The following DNAH6 variants were observed in gnomAD, a reference collection of about 807,000 sequenced individuals.
The protein encoded by DNAH6 is axonemal beta dynein heavy chain 6.
A neutral mutation model predicts 491.4 loss-of-function variants in DNAH6; 340 were observed. The ratio of observed to expected loss-of-function variants is 0.69; its 90% CI spans 0.63 to 0.76. The LOEUF is 0.76. Among genes scored for constraint, DNAH6 ranks in the 30% least tolerant of loss-of-function variants. The pLI, the probability that DNAH6 is intolerant of heterozygous loss-of-function variation, is 0.00. For synonymous variants in DNAH6, 1,603 were observed against 1,686.1 expected (o/e 0.95, Z 1.21); for missense variants, 4,443 against 4,972.2 (o/e 0.89, Z 3.20).
In DNAH6 at chr2:84,525,717, A is replaced by G. The variant is rs1327713979; in HGVS notation, c.378A>G (p.Gln126=). ...ATSSTQFLEH[Q]DAVKKMQIHR... is the part of the protein sequence containing the mutation. The stretch of plus-strand genomic sequence containing the variant: ...CATCTACTCAGTTTCTTGAGCATCA[A>G]GATGCTGTGAAAAAAATGCAGGTAT... The change falls in exon 3 of 77, where the codon CAA becomes CAG. Residue 126 remains glutamine (Q), a synonymous_variant. Transcript: ENST00000389394. 8 of 1,537,496 alleles carry G rather than the reference A, an allele frequency of 5.2e-6. No homozygotes were observed. Among genetic ancestry groups the G allele is most frequent in the Admixed American group, 2.2e-5 (1 of 46,136 alleles).
intron 57 of DNAH6, 147 bp downstream of exon 57, chr2:84,713,406 C>T (rs1181955838): frequency 1.3e-6 from 1 of 769,350 alleles, no homozygotes; most frequent in African/African-American, 1.8e-5. Context: ...CCACCATCTT[C>T]CATTCTTGCT....
chr2:84,486,833 C>T, the DNAH6 span, among the ~76,000 whole-genome samples: 1 of 152,180 alleles, frequency 6.6e-6, no homozygotes, highest in African/African-American at 2.4e-5. Flanking sequence ...AAACCATATA[C>T]AGTGTTCCCT....
At chr2:84,673,211 G>A (rs1014285601) in intron 40 of DNAH6, among the ~76,000 whole-genome samples, 7 of 152,154 alleles carry the variant, frequency 4.6e-5, no homozygotes, top group Non-Finnish European at 7.4e-5. Flanking sequence ...ACGGTGGTGT[G>A]AATTATGAGC....
At chr2:84,650,220 C>T (rs1690311382) in intron 33 of DNAH6, among the ~76,000 whole-genome samples, 1 of 152,098 alleles carries the variant, frequency 6.6e-6, no homozygotes. Context: ...GTCATTATTT[C>T]TCTGAATACT....
At chr2:84,699,215 C>A (rs1365258062) in intron 47 of DNAH6, among the ~76,000 whole-genome samples, 2 of 152,080 alleles carry the variant, frequency 1.3e-5, no homozygotes, top group African/African-American at 4.8e-5. Context: ...AACTCCCATA[C>A]CATGCAACTT....
rs754184783 is a variant in DNAH6, at chr2:84,727,630, A to G, written c.9973-39A>G. The G allele has an allele frequency of 5.7e-5, 74 of 1,304,424 alleles. No individual in the cohort carries two copies. The Admixed American group carries it at 8.4e-4, about 15-fold the overall frequency. 80.8% of individuals were successfully genotyped at this position (1,304,424 alleles called of 1,614,324 possible). ...ATTTTTTGTTCTCTGCAGAGAATGA[A>G]TTAAATCAGAGACATTGATAGAGCT... On this transcript the variant is annotated intron_variant, in intron 60 of 76. Coordinates refer to ENST00000389394, the MANE Select transcript of DNAH6 (RefSeq NM_001370.2).
At chr2:84,724,166 G>A (rs904071141) in intron 60 of DNAH6, among the ~76,000 whole-genome samples, 1 of 152,164 alleles carries the variant, frequency 6.6e-6, no homozygotes, top group East Asian at 1.9e-4. Flanking sequence ...CTCAGCCAAC[G>A]AAGGCCTCTC....
intron 22 of DNAH6, 92 bp from the exon 23 acceptor site, chr2:84,616,794 C>A: frequency 1.8e-6 from 1 of 562,112 alleles, no homozygotes; most frequent in Non-Finnish European, 2.9e-6. Flanking sequence ...GGAGAAGATT[C>A]ATAAATTGAT....
chr2:84,776,606 C>A (rs1676147830), intron 64 of DNAH6, among the ~76,000 whole-genome samples: 1 of 152,218 alleles, frequency 6.6e-6, no homozygotes, highest in Admixed American at 6.5e-5. Context: ...AATCTCCACA[C>A]TGTCTTCCAC....
In DNAH6 at chr2:84,607,021, T is replaced by C; in HGVS notation, c.3220T>C (p.Ser1074Pro). The change falls in exon 21 of 77, where the codon TCA (serine) becomes CCA (proline). Residue 1074 changes from serine to proline, a missense_variant. Ser to Pro is a moderately conservative substitution (Grantham distance 74, BLOSUM62 -1). Coordinates refer to ENST00000389394, the MANE Select transcript of DNAH6 (RefSeq NM_001370.2). ...STINVATLAS[S>P]RYLGPLKTRV... ...CATCAATGTTGCAACTCTTGCCTCA[T>C]CACGTTACCTTGGTCCACTGAAAAC... 5 of 1,551,510 alleles carry C rather than the reference T, an allele frequency of 3.2e-6. No homozygotes were observed. The highest frequency in any genetic ancestry group is 1.4e-5 in the African/African-American group (1 of 73,158).
chr2:84,628,424 G>C (rs1688083778), intron 29 of DNAH6, among the ~76,000 whole-genome samples: 1 of 152,094 alleles, frequency 6.6e-6, no homozygotes, highest in African/African-American at 2.4e-5. Flanking sequence ...AGAGATTTGG[G>C]CAGGAGGAGG....
rs148223511 is a variant in DNAH6 at position 84,695,076 on chromosome 2, A to G, written c.7524+596A>G. Among the ~76,000 whole-genome samples the G allele has an allele frequency of 3.6e-3, 555 of 152,344 alleles. 3 individuals carry two copies. The highest frequency in any genetic ancestry group is 6.6e-3 in the Non-Finnish European group (451 of 68,008). ...TTAAATATTGTAAGCAGAATTAAAT[A>G]CAAAGAAAAAATTGGAAAAATATTT... is the stretch of plus-strand genomic sequence containing the variant. On this transcript the variant is annotated intron_variant, in intron 46 of 76. Transcript: ENST00000389394.
intron 37 of DNAH6, among the ~76,000 whole-genome samples, chr2:84,663,614 C>T (rs563002049): frequency 6.6e-6 from 1 of 152,248 alleles, no homozygotes; most frequent in East Asian, 1.9e-4. Flanking sequence ...ACCAAATCTA[C>T]GTCTGATTGG....
intron 58 of DNAH6, among the ~76,000 whole-genome samples, chr2:84,716,573 GCTTAC>G (rs1389580516): frequency 6.6e-6 from 1 of 152,090 alleles, no homozygotes; most frequent in Non-Finnish European, 1.5e-5. Flanking sequence ...CTGCTAACTT[GCTTAC>G]CTTCCACTAG....
At chr2:84,488,815 T>C in the DNAH6 span, among the ~76,000 whole-genome samples, 2 of 152,220 alleles carry the variant, frequency 1.3e-5, no homozygotes, top group Admixed American at 6.5e-5. Flanking sequence ...GGAGCTATTA[T>C]TCTGTCTACC....
chr2:84,725,171 A>G (rs1319398435), intron 60 of DNAH6, among the ~76,000 whole-genome samples: 1 of 152,224 alleles, frequency 6.6e-6, no homozygotes, highest in Non-Finnish European at 1.5e-5. Flanking sequence ...TGATCTCTGC[A>G]TATAACATTC....
chr2:84,785,890 G>A lies in DNAH6; in HGVS notation c.11100+134G>A, dbSNP rs567321592. ...CCCATTCTGTGTCTGAACCCAAGTT[G>A]TTTTCATTCAATCTCTATACTCCCC... On this transcript the variant is annotated intron_variant, in intron 67 of 76. Coordinates refer to ENST00000389394, the MANE Select transcript of DNAH6 (RefSeq NM_001370.2). The A allele has an allele frequency of 1.1e-4, 104 of 919,440 alleles. No individual in the cohort carries two copies. The South Asian group carries it at 2.0e-3, about 18-fold the overall frequency. The allele number at this position is 919,440 out of a possible 1,614,324, so 57.0% of individuals were successfully genotyped here. A position where few individuals can be genotyped will look rare whatever the true frequency, so the allele number is the denominator to read the frequency against.
At chr2:84,532,399 CT>C (rs953828482) in intron 4 of DNAH6, among the ~76,000 whole-genome samples, 1 of 152,072 alleles carries the variant, frequency 6.6e-6, no homozygotes, top group African/African-American at 2.4e-5. Context: ...TATCATAAAC[CT>C]TGTGAGTAAA....
Position 84,619,757 on chromosome 2 carries a change from A to T in DNAH6, c.3645A>T (p.Pro1215=). ...CACGAAATCCACAGGCCGTGCAGCC[A>T]CACTTAAGGAAATGCTTCGACTCCA... ...AQTRNPQAVQ[P]HLRKCFDSIS... is the part of the protein sequence containing the mutation. Residue 1215 remains proline, a synonymous_variant, in exon 24 of 77, where the codon CCA becomes CCT. Coordinates refer to ENST00000389394, the MANE Select transcript of DNAH6 (RefSeq NM_001370.2). 1 of 1,551,710 alleles carries T rather than the reference A, an allele frequency of 6.4e-7. No homozygotes were observed. Among genetic ancestry groups the T allele is most frequent in the Non-Finnish European group, 8.7e-7 (1 of 1,146,866 alleles).
Sources: allele counts gnomAD v4.1 joint callset (sites outside exome capture counted in the v4.1 genomes callset), GRCh38; gene constraint gnomAD v4.1.1; transcripts MANE v1.5; gene names NCBI Gene and HGNC (gene_info 2026-07-23, HGNC 2026-07-21).